PVT1: variants seen among roughly 807,000 people sequenced by gnomAD.
PVT1 encodes the protein CXCR4/PVT1 fusion.
chr8:128,093,117 T>C (rs1163435873), intron 5 of PVT1, among the ~76,000 whole-genome samples: 2 of 152,364 alleles, frequency 1.3e-5, no homozygotes, highest in East Asian at 1.9e-4. Flanking sequence ...GGTTATTTGC[T>C]GCCATGTTCC....
chr8:128,020,387 G>A (rs1477870501), intron 4 of PVT1, among the ~76,000 whole-genome samples: 3 of 152,182 alleles, frequency 2.0e-5, no homozygotes, highest in East Asian at 1.9e-4. Flanking sequence ...GGTTTTCTCC[G>A]ACTGTGATCA....
At chr8:127,824,344 G>A (rs1364298609) in intron 2 of PVT1, among the ~76,000 whole-genome samples, 1 of 152,114 alleles carries the variant, frequency 6.6e-6, no homozygotes, top group East Asian at 1.9e-4. Flanking sequence ...CTCCCTTGGG[G>A]CCCCTTCAGC....
intron 2 of PVT1, among the ~76,000 whole-genome samples, chr8:127,834,408 C>T (rs910605399): frequency 3.9e-5 from 6 of 152,052 alleles, no homozygotes; most frequent in Admixed American, 3.9e-4. Context: ...ATACCTTATA[C>T]AAAAATTAAC....
At chr8:127,824,315 A>T (rs561998231) in intron 2 of PVT1, among the ~76,000 whole-genome samples, 1 of 152,318 alleles carries the variant, frequency 6.6e-6, no homozygotes, top group African/African-American at 2.4e-5. Context: ...TGAACAGGTG[A>T]TGCCTGTTCC....
At chr8:128,097,618 C>T (rs750129158) in intron 6 of PVT1, among the ~76,000 whole-genome samples, 1 of 152,110 alleles carries the variant, frequency 6.6e-6, no homozygotes, top group Non-Finnish European at 1.5e-5. Context: ...TTCAACCACA[C>T]AGACTCATTT....
At chr8:128,091,456 ACCCGCTCCTCCC>A (rs1200295625) in intron 5 of PVT1, among the ~76,000 whole-genome samples, 3 of 152,070 alleles carry the variant, frequency 2.0e-5, no homozygotes, top group African/African-American at 7.2e-5. Context: ...ACCCTGGCTC[ACCCGCTCCTCCC>A]CCAACATGTC....
At chr8:127,932,756 C>CGGA (rs1816223304) in intron 3 of PVT1, 1 of 196,936 alleles carries the variant, frequency 5.1e-6, no homozygotes, top group African/African-American at 4.7e-5. Flanking sequence ...TCTCAATAAG[C>CGGA]TGATATATAG....
chr8:127,982,865 T>C (rs1485299979), intron 3 of PVT1, among the ~76,000 whole-genome samples: 1 of 152,156 alleles, frequency 6.6e-6, no homozygotes, highest in Non-Finnish European at 1.5e-5. Context: ...TCTTGCTCCT[T>C]CTTCCTGAAA....
intron 2 of PVT1, among the ~76,000 whole-genome samples, chr8:127,849,991 C>G (rs139562860): frequency 4.6e-5 from 1 of 21,672 alleles, no homozygotes; most frequent in Non-Finnish European, 7.1e-5. Flanking sequence ...GGTGCACAGC[C>G]TGTACATATG....
intron 2 of PVT1, among the ~76,000 whole-genome samples, chr8:127,848,354 C>T (rs1191718927): frequency 6.6e-6 from 1 of 151,884 alleles, no homozygotes; most frequent in Admixed American, 6.6e-5. Flanking sequence ...AATTCGAGGC[C>T]AGCCTGGGCA....
At chr8:128,007,959 G>GT (rs1817266579) in intron 4 of PVT1, among the ~76,000 whole-genome samples, 1 of 152,206 alleles carries the variant, frequency 6.6e-6, no homozygotes, top group South Asian at 2.1e-4. Context: ...AGTAATGCTA[G>GT]TTGACTCATC....
intron 2 of PVT1, among the ~76,000 whole-genome samples, chr8:127,887,975 C>CT (rs1267661640): frequency 9.2e-6 from 1 of 108,976 alleles, no homozygotes; most frequent in Admixed American, 1.4e-4. Context: ...GAATCTCACT[C>CT]TGTCACCTAG....
chr8:128,053,526 TTTGATGTAGTCCTGC>T, intron 4 of PVT1, among the ~76,000 whole-genome samples: 1 of 152,098 alleles, frequency 6.6e-6, no homozygotes, highest in South Asian at 2.1e-4. Flanking sequence ...GAGATGAGAA[TTTGATGTAGTCCTGC>T]CTGATGTCCA....
chr8:127,996,952 T>A (rs1448637291), intron 4 of PVT1, among the ~76,000 whole-genome samples: 3 of 151,986 alleles, frequency 2.0e-5, no homozygotes, highest in Non-Finnish European at 1.5e-5. Context: ...GAGGACAGGC[T>A]GACATTGCTG....
intron 3 of PVT1, among the ~76,000 whole-genome samples, chr8:127,936,891 G>A (rs1217714803): frequency 3.9e-5 from 6 of 152,256 alleles, no homozygotes; most frequent in Non-Finnish European, 7.3e-5. Flanking sequence ...GACACACTGT[G>A]TGTCCTTGGT....
chr8:127,879,165 T>C (rs1019966191), intron 2 of PVT1, among the ~76,000 whole-genome samples: 2 of 152,224 alleles, frequency 1.3e-5, no homozygotes, highest in Non-Finnish European at 2.9e-5. Flanking sequence ...AAGCTTCTTA[T>C]CCTATGGCTC....
At chr8:128,011,361 G>GAGAT (rs1817313067) in intron 4 of PVT1, among the ~76,000 whole-genome samples, 2 of 152,126 alleles carry the variant, frequency 1.3e-5, no homozygotes, top group African/African-American at 4.8e-5. Flanking sequence ...GGACCTTTGG[G>GAGAT]AGATAATTCA....
At chr8:127,918,119 C>T (rs1055976913) in intron 3 of PVT1, among the ~76,000 whole-genome samples, 5 of 152,244 alleles carry the variant, frequency 3.3e-5, no homozygotes, top group Admixed American at 3.3e-4. Context: ...TCTCAAAGCC[C>T]TGCTCATCTC....
intron 4 of PVT1, among the ~76,000 whole-genome samples, chr8:128,006,975 C>T (rs936245366): frequency 2.0e-5 from 3 of 152,200 alleles, no homozygotes; most frequent in African/African-American, 7.2e-5. Flanking sequence ...GCCATTGCTG[C>T]TGTGCTATCC....
Sources: allele counts gnomAD v4.1 joint callset (sites outside exome capture counted in the v4.1 genomes callset), GRCh38; gene constraint gnomAD v4.1.1; transcripts MANE v1.5; gene names NCBI Gene and HGNC (gene_info 2026-07-23, HGNC 2026-07-21).